Variants in KCNH1 observed in about 807,000 individuals in gnomAD.
KCNH1 encodes the protein potassium voltage-gated channel subfamily H member 1.
KCNH1 carries 27 observed loss-of-function variants against 69.2 expected under a neutral mutation model. The ratio of observed to expected loss-of-function variants is 0.39; its 90% CI spans 0.29 to 0.54. The LOEUF (loss-of-function observed/expected upper bound fraction) is 0.54, where lower values mean the gene tolerates loss of function less well. Ranked by LOEUF, KCNH1 falls within the 20% of genes least tolerant of loss-of-function variation. The pLI is 0.68. For synonymous variants in KCNH1, 456 were observed against 487.7 expected, an observed-to-expected ratio of 0.93 and a Z score of 0.86; for missense variants, 798 against 1,261.6, an observed-to-expected ratio of 0.63 and a Z score of 5.57.
intron 7 of KCNH1, chr1:210,860,846 C>G (rs980566949): frequency 1.1e-6 from 1 of 917,508 alleles, no homozygotes; most frequent in African/African-American, 1.6e-5. Context: ...TAGTGAAGTA[C>G]TCAGCAAGCC....
rs990822822 is a variant in KCNH1 at position 210,735,433 on chromosome 1, T to A, written c.2112+39915A>T. The stretch of plus-strand genomic sequence containing the variant: ...GAATGAGTGAGTGAGTGTGTGTGTG[T>A]GTGTGTGTGTGTGTGTGTGTGTGTG... On this transcript the variant is annotated intron_variant, in intron 10 of 10. Transcript: ENST00000271751. 1.7e-4 allele frequency among the ~76,000 whole-genome samples: 23 copies of A among 137,116 alleles called. 1 individual carries two copies. The South Asian group carries it at 4.2e-3, about 25-fold the overall frequency. 90.0% of individuals were successfully genotyped at this position (137,116 alleles called of 152,430 possible). A position where few individuals can be genotyped will look rare whatever the true frequency, so the allele number is the denominator to read the frequency against.
chr1:210,922,352 C>G (rs1452473909), intron 6 of KCNH1, among the ~76,000 whole-genome samples: 2 of 131,482 alleles, frequency 1.5e-5, no homozygotes. Flanking sequence ...CCACTGCACT[C>G]CAGCCTGGGC....
intron 10 of KCNH1, among the ~76,000 whole-genome samples, chr1:210,753,117 G>C (rs1421890600): frequency 2.6e-5 from 4 of 152,146 alleles, no homozygotes; most frequent in Admixed American, 2.6e-4. Context: ...TCTGACCCCT[G>C]AAAGTGTGAG....
rs2102400676 is a variant in KCNH1 at position 210,797,725 on chromosome 1, G to A, written c.1698C>T (p.Asp566=). ...CCTTGCGGTTCAGGTGCACGCAGAT[G>A]TCGGCTCTCATGTCCTTGGGGCAGA... ...LQICPKDMRA[D]ICVHLNRKVF... is the part of the protein sequence containing the mutation. The change falls in exon 9 of 11, where the codon GAC becomes GAT. Residue 566 remains aspartate, a synonymous_variant. Coordinates refer to ENST00000271751, the MANE Select transcript of KCNH1 (RefSeq NM_172362.3). 1 of 1,614,056 alleles carries A rather than the reference G, an allele frequency of 6.2e-7. No homozygotes were observed.
At chr1:210,814,421 T>C (rs1684772373) in intron 7 of KCNH1, among the ~76,000 whole-genome samples, 1 of 152,220 alleles carries the variant, frequency 6.6e-6, no homozygotes, top group Non-Finnish European at 1.5e-5. Context: ...GAATTTTCTC[T>C]AAAGTTAATT....
chr1:211,102,708 A>G (rs570693497), intron 3 of KCNH1, among the ~76,000 whole-genome samples: 54 of 152,354 alleles, frequency 3.5e-4, no homozygotes, highest in African/African-American at 1.2e-3. Context: ...CCTGAATGCC[A>G]CCAAATTAAA....
chr1:210,804,109 G>A lies in KCNH1; in HGVS notation c.1520C>T (p.Ala507Val). 6.2e-7 allele frequency: 1 copy of A among 1,614,142 alleles called. No homozygotes were observed. The highest frequency in any genetic ancestry group is 8.5e-7 in the Non-Finnish European group (1 of 1,179,986). The change falls in exon 8 of 11, where the codon GCC becomes GTC. Residue 507 changes from alanine (A) to valine (V), a missense_variant. Physicochemically the swap from Ala to Val is moderately conservative, Grantham distance 64. Around this residue, in one of 4 missense-constraint regions of KCNH1, gnomAD observed 197 missense variants for 407.7 expected, o/e 0.48. Transcript: ENST00000271751. ...NVTTIFQQMYANTNRYHEMLN... is the reference protein window; with the variant it reads ...NVTTIFQQMYVNTNRYHEMLN... ...CATCTCATGGTATCTGTTGGTGTTG[G>A]CATACATCTGTTGGAAAATAGTCGT...
At chr1:210,925,649 C>T (rs1232254058) in intron 6 of KCNH1, among the ~76,000 whole-genome samples, 1 of 152,192 alleles carries the variant, frequency 6.6e-6, no homozygotes, top group Admixed American at 6.5e-5. Context: ...GCACAGGCAG[C>T]CATCATCCCC....
At chr1:210,906,630 T>A (rs1687107730) in intron 7 of KCNH1, among the ~76,000 whole-genome samples, 1 of 152,196 alleles carries the variant, frequency 6.6e-6, no homozygotes, top group Non-Finnish European at 1.5e-5. Context: ...AAACAGAATG[T>A]CCAAATGGCC....
intron 7 of KCNH1, among the ~76,000 whole-genome samples, chr1:210,864,395 T>A (rs1686057617): frequency 6.6e-6 from 1 of 152,140 alleles, no homozygotes; most frequent in South Asian, 2.1e-4. Context: ...ACAGTGTTGG[T>A]AGTAAGAGAT....
chr1:210,807,633 AAAT>A (rs371459135), intron 7 of KCNH1, among the ~76,000 whole-genome samples: 5 of 151,190 alleles, frequency 3.3e-5, no homozygotes, highest in East Asian at 3.9e-4. Flanking sequence ...ATAAATAAAT[AAAT>A]AATAATAATA....
intron 10 of KCNH1, among the ~76,000 whole-genome samples, chr1:210,741,293 A>G (rs1368813721): frequency 6.6e-6 from 1 of 152,216 alleles, no homozygotes; most frequent in African/African-American, 2.4e-5. Flanking sequence ...AAATGAATTC[A>G]TATTATGAAA....
At chr1:210,937,049 C>T (rs1214916768) in intron 6 of KCNH1, among the ~76,000 whole-genome samples, 3 of 152,130 alleles carry the variant, frequency 2.0e-5, no homozygotes, top group African/African-American at 7.2e-5. Flanking sequence ...ACTCTCCTCC[C>T]ACCACTCTAA....
chr1:210,844,115 G>A (rs1685483574), intron 7 of KCNH1, among the ~76,000 whole-genome samples: 1 of 152,124 alleles, frequency 6.6e-6, no homozygotes, highest in South Asian at 2.1e-4. Flanking sequence ...TGGTTTAGCT[G>A]AATTTTTGGT....
chr1:210,889,240 C>T (rs1290117182), intron 7 of KCNH1, among the ~76,000 whole-genome samples: 1 of 152,166 alleles, frequency 6.6e-6, no homozygotes, highest in Admixed American at 6.5e-5. Context: ...GGATGCAAGG[C>T]TGATTCAACA....
chr1:210,769,705 G>A (rs1187664909), intron 10 of KCNH1, among the ~76,000 whole-genome samples: 11 of 152,136 alleles, frequency 7.2e-5, no homozygotes, highest in Non-Finnish European at 1.3e-4. Context: ...TTTAATTGTG[G>A]TACATTGCTT....
intron 7 of KCNH1, among the ~76,000 whole-genome samples, chr1:210,913,201 A>T (rs1386376830): frequency 6.6e-6 from 1 of 152,206 alleles, no homozygotes; most frequent in Admixed American, 6.5e-5. Flanking sequence ...AATCAAGCTG[A>T]TTGCTGGCTA....
At chr1:210,888,470 T>C (rs1686670466) in intron 7 of KCNH1, among the ~76,000 whole-genome samples, 1 of 152,042 alleles carries the variant, frequency 6.6e-6, no homozygotes, top group African/African-American at 2.4e-5. Context: ...AGATCCAAAA[T>C]TGACACCCTA....
At chr1:211,054,825 G>GA (rs1340937378) in intron 5 of KCNH1, among the ~76,000 whole-genome samples, 3 of 151,978 alleles carry the variant, frequency 2.0e-5, no homozygotes, top group Admixed American at 6.6e-5. Flanking sequence ...GGAAATTAAG[G>GA]AAAGAGGAAG....
Sources: allele counts gnomAD v4.1 joint callset (sites outside exome capture counted in the v4.1 genomes callset), GRCh38; gene constraint gnomAD v4.1.1; regional missense constraint gnomAD v4.1.1; transcripts MANE v1.5; gene names NCBI Gene and HGNC (gene_info 2026-07-23, HGNC 2026-07-21).